The following SH3PXD2A variants were observed in gnomAD, a reference collection of about 807,000 sequenced individuals.
SH3PXD2A encodes SH3 and PX domains 2A, also known as SH3 and PX domain-containing protein 2A.
SH3PXD2A carries 32 observed loss-of-function variants against 115.2 expected under a neutral mutation model. The observed-to-expected ratio is 0.28, with a 90% CI of 0.21 to 0.37. The LOEUF (loss-of-function observed/expected upper bound fraction) is 0.37. SH3PXD2A is among the 10% of genes least tolerant of loss of function. The pLI is 1.00. For missense variants in SH3PXD2A, 1,328 were observed against 1,498.7 expected (o/e 0.89, Z 1.88); for synonymous variants, 610 against 629.1 (o/e 0.97, Z 0.45).
intron 8 of SH3PXD2A, among the ~76,000 whole-genome samples, chr10:103,637,746 C>T (rs1288088996): frequency 6.6e-6 from 1 of 152,138 alleles, no homozygotes; most frequent in Non-Finnish European, 1.5e-5. Flanking sequence ...TGGGGAGACA[C>T]TGAGAGGAAG....
chr10:103,793,777 C>T (rs571357222), intron 2 of SH3PXD2A, among the ~76,000 whole-genome samples: 1 of 152,304 alleles, frequency 6.6e-6, no homozygotes, highest in Non-Finnish European at 1.5e-5. Flanking sequence ...TCAGTAATCT[C>T]GAACAAATTC....
chr10:103,737,537 A>T (rs1589435519), intron 3 of SH3PXD2A, among the ~76,000 whole-genome samples: 1 of 152,184 alleles, frequency 6.6e-6, no homozygotes, highest in African/African-American at 2.4e-5. Flanking sequence ...AGGGGAAGGA[A>T]GTGTTATCAG....
intron 10 of SH3PXD2A, among the ~76,000 whole-genome samples, chr10:103,617,658 C>T (rs966701249): frequency 3.9e-5 from 6 of 152,166 alleles, no homozygotes; most frequent in African/African-American, 1.2e-4. Context: ...CTTGCTGGGC[C>T]GAGGGCAGGA....
At chr10:103,805,222 A>G (rs1206505113) in intron 1 of SH3PXD2A, among the ~76,000 whole-genome samples, 1 of 152,190 alleles carries the variant, frequency 6.6e-6, no homozygotes, top group East Asian at 1.9e-4. Flanking sequence ...CTGGGAGGAT[A>G]CAGGGAGACC....
At chr10:103,710,132 C>T (rs2038030444) in intron 5 of SH3PXD2A, among the ~76,000 whole-genome samples, 1 of 150,858 alleles carries the variant, frequency 6.6e-6, no homozygotes, top group Non-Finnish European at 1.5e-5. Context: ...GTAGCTCACA[C>T]CTGTAATCCC....
At chr10:103,682,808 G>T (rs145657038) in intron 6 of SH3PXD2A, among the ~76,000 whole-genome samples, 349 of 151,764 alleles carry the variant, frequency 2.3e-3, no homozygotes, top group Middle Eastern at 6.8e-3. Context: ...TGTGCCAGAA[G>T]CTGACGCCTT....
chr10:103,666,432 G>C lies in SH3PXD2A; in HGVS notation c.472+2176C>G, dbSNP rs936852516. ...TGATCACTCTTGTTCCCTCTTTTCTGTTCCCTCCTGGACTTTATGTTGGGC... is the reference window on the plus strand; with the variant it reads ...TGATCACTCTTGTTCCCTCTTTTCTCTTCCCTCCTGGACTTTATGTTGGGC... On this transcript the variant is annotated intron_variant, in intron 7 of 14. Transcript: ENST00000369774. The surrounding 1 kb of genome is among the most constrained non-coding windows in gnomAD (Gnocchi z 4.5). Among the ~76,000 whole-genome samples the C allele has an allele frequency of 2.6e-5, 4 of 152,134 alleles. No individual in the cohort carries two copies. Among genetic ancestry groups the C allele is most frequent in the African/African-American group, 9.7e-5 (4 of 41,414 alleles).
chr10:103,836,753 T>C (rs1158504301), intron 1 of SH3PXD2A, among the ~76,000 whole-genome samples: 3 of 152,118 alleles, frequency 2.0e-5, no homozygotes, highest in African/African-American at 7.2e-5. Flanking sequence ...TCACCATCTC[T>C]AAAAACACAC....
chr10:103,618,912 G>A (rs967708032), intron 10 of SH3PXD2A, among the ~76,000 whole-genome samples: 1 of 152,148 alleles, frequency 6.6e-6, no homozygotes, highest in Non-Finnish European at 1.5e-5. Context: ...CTGGATTATC[G>A]GGGCCCTGTC....
Position 103,735,699 on chromosome 10 carries a change from G to A in SH3PXD2A, c.306+33C>T, listed in dbSNP as rs190075207. Reference sequence around the variant, plus strand: ...CCCTCTCCTCCCTGAAGCCCTCCCCGAGCCCCTCCCCCAGCCCCAGATACA... The same window carrying A: ...CCCTCTCCTCCCTGAAGCCCTCCCCAAGCCCCTCCCCCAGCCCCAGATACA... On this transcript the variant is annotated intron_variant, in intron 4 of 14. Transcript: ENST00000369774. 2.6e-4 allele frequency: 161 copies of A among 624,598 alleles called. 1 individual carries two copies. Among genetic ancestry groups the A allele is most frequent in the African/African-American group, 1.1e-3 (57 of 53,044 alleles). The allele number at this position is 624,598 out of a possible 1,614,324, so 38.7% of individuals were successfully genotyped here.
At chr10:103,840,293 G>A (rs2039584793) in intron 1 of SH3PXD2A, among the ~76,000 whole-genome samples, 1 of 152,180 alleles carries the variant, frequency 6.6e-6, no homozygotes, top group African/African-American at 2.4e-5. Context: ...CCCTAATCTA[G>A]CTTCCACCAA....
chr10:103,602,557 G>C lies in SH3PXD2A; in HGVS notation c.2661C>G (p.Gly887=). ...GCACCAAATAGTGGGAAGGGGCCCA[G>C]CCCTCCAGCTCCCCAAACCTCACAT... The part of the protein sequence containing the change: ...WWYVRFGELE[G]WAPSHYLVLD... The change falls in exon 15 of 15, where the codon GGC becomes GGG. Residue 887 remains glycine (G), a synonymous_variant. Transcript: ENST00000369774. The C allele has an allele frequency of 6.2e-7, 1 of 1,614,148 alleles. No homozygotes were observed. The highest frequency in any genetic ancestry group is 8.5e-7 in the Non-Finnish European group (1 of 1,180,014).
At chr10:103,719,721 C>CTTTTTTTTTTTTTTTT (rs11438501) in intron 5 of SH3PXD2A, among the ~76,000 whole-genome samples, 4 of 114,716 alleles carry the variant, frequency 3.5e-5, no homozygotes, top group African/African-American at 6.9e-5. Context: ...TTTTTTCTTT[C>CTTTTTTTTTTTTTTTT]TTTTTTTTTT....
Position 103,599,170 on chromosome 10 carries a change from A to G in SH3PXD2A, c.*2646T>C, listed in dbSNP as rs932808683. ...TGTTTCCTGTCCTTGGGCCGCAGTA[A>G]CAGGAAGGGATGGGATAGAGACCTC... is the stretch of plus-strand genomic sequence containing the variant. On this transcript the variant is annotated 3_prime_UTR_variant, in exon 15 of 15. Transcript: ENST00000369774. 5.3e-5 allele frequency: 8 copies of G among 151,608 alleles called. No homozygotes were observed. Among genetic ancestry groups the G allele is most frequent in the African/African-American group, 1.9e-4 (8 of 41,232 alleles). 9.4% of individuals were successfully genotyped at this position (151,608 alleles called of 1,614,324 possible). A position where few individuals can be genotyped will look rare whatever the true frequency, so the allele number is the denominator to read the frequency against.
At chr10:103,853,332 C>T (rs1008756183) in intron 1 of SH3PXD2A, among the ~76,000 whole-genome samples, 3 of 152,258 alleles carry the variant, frequency 2.0e-5, no homozygotes, top group Admixed American at 1.3e-4. Flanking sequence ...TAGTCAGAAT[C>T]TCACCAATAA....
intron 5 of SH3PXD2A, among the ~76,000 whole-genome samples, chr10:103,701,337 TCCATCCATCCA>T (rs888777444): frequency 1.5e-5 from 2 of 132,560 alleles, no homozygotes; most frequent in East Asian, 2.7e-4. Flanking sequence ...CATTCATCCA[TCCATCCATCCA>T]CCATCCACCC....
At chr10:103,723,965 C>G (rs887593802) in intron 5 of SH3PXD2A, among the ~76,000 whole-genome samples, 1 of 152,174 alleles carries the variant, frequency 6.6e-6, no homozygotes, top group Non-Finnish European at 1.5e-5. Context: ...ATTATATTTT[C>G]TGTTATCTCA....
intron 2 of SH3PXD2A, among the ~76,000 whole-genome samples, chr10:103,790,102 T>C (rs977920618): frequency 3.3e-5 from 5 of 151,716 alleles, no homozygotes; most frequent in Non-Finnish European, 7.4e-5. Flanking sequence ...AGGCACACTC[T>C]CAGTGAGGCA....
At chr10:103,826,228 T>C (rs1286730774) in intron 1 of SH3PXD2A, among the ~76,000 whole-genome samples, 3 of 152,164 alleles carry the variant, frequency 2.0e-5, no homozygotes, top group Non-Finnish European at 4.4e-5. Flanking sequence ...CCATGTTTGC[T>C]CAGGTCACCA....
Sources: allele counts gnomAD v4.1 joint callset (sites outside exome capture counted in the v4.1 genomes callset), GRCh38; gene constraint gnomAD v4.1.1; non-coding constraint Gnocchi (gnomAD v3.1); transcripts MANE v1.5; gene names NCBI Gene and HGNC (gene_info 2026-07-23, HGNC 2026-07-21).